The following KLHL29 variants were observed in gnomAD, a reference collection of about 807,000 sequenced individuals.
The protein encoded by KLHL29 is kelch like family member 29.
KLHL29 carries 21 observed loss-of-function variants against 80.4 expected under a neutral mutation model. That is an observed-to-expected ratio of 0.26 (90% CI 0.19 to 0.38). KLHL29 has a LOEUF of 0.38. Ranked by LOEUF, KLHL29 falls within the 10% of genes least tolerant of loss-of-function variation. The pLI is 1.00. For synonymous variants in KLHL29, 511 were observed against 526.8 expected, an observed-to-expected ratio of 0.97 and a Z score of 0.41; for missense variants, 867 against 1,223.9, an observed-to-expected ratio of 0.71 and a Z score of 4.35.
intron 1 of KLHL29, among the ~76,000 whole-genome samples, chr2:23,429,272 G>A (rs1475675888): frequency 2.6e-5 from 4 of 152,220 alleles, no homozygotes; most frequent in Admixed American, 2.6e-4. Flanking sequence ...GGGAGCCATG[G>A]TTGCTGGCGC....
At chr2:23,533,014 G>GAGC (rs1209547890) in intron 2 of KLHL29, among the ~76,000 whole-genome samples, 1 of 152,158 alleles carries the variant, frequency 6.6e-6, no homozygotes, top group African/African-American at 2.4e-5. Flanking sequence ...CCAAGCTGAG[G>GAGC]AGCAGAAGGT....
At chr2:23,532,878 G>A (rs1315155920) in intron 2 of KLHL29, among the ~76,000 whole-genome samples, 1 of 152,192 alleles carries the variant, frequency 6.6e-6, no homozygotes, top group East Asian at 1.9e-4. Flanking sequence ...ACGAACTTTT[G>A]TTGAGAAGGG....
In KLHL29 at chr2:23,647,054, G is replaced by C. The variant is rs1234982780; in HGVS notation, c.940+4204G>C. Among the ~76,000 whole-genome samples the C allele has an allele frequency of 6.6e-6, 1 of 152,244 alleles. No homozygotes were observed. The highest frequency in any genetic ancestry group is 1.5e-5 in the Non-Finnish European group (1 of 68,038). On this transcript the variant is annotated intron_variant, in intron 5 of 13. Transcript: ENST00000486442. This position sits in a 1 kb window ranked among gnomAD's most constrained non-coding sequence, Gnocchi z 4.9. ...AAGGCCAGGCCCTCCCCAGCGCAGA[G>C]GAGATGGAAGAAGCCCATGCTTGTC...
intron 5 of KLHL29, among the ~76,000 whole-genome samples, chr2:23,648,065 G>A (rs1030648229): frequency 9.9e-5 from 15 of 152,034 alleles, no homozygotes; most frequent in Non-Finnish European, 1.5e-4. Flanking sequence ...CCAGGCATAC[G>A]GGGATGGAAA....
intron 1 of KLHL29, among the ~76,000 whole-genome samples, chr2:23,401,054 A>G (rs966196477): frequency 3.9e-5 from 6 of 152,196 alleles, no homozygotes; most frequent in East Asian, 3.8e-4. Flanking sequence ...AACATGGACA[A>G]ATTTATCCGT....
chr2:23,528,425 C>T (rs906006232), intron 2 of KLHL29, among the ~76,000 whole-genome samples: 3 of 152,104 alleles, frequency 2.0e-5, no homozygotes, highest in African/African-American at 7.2e-5. Context: ...CTGCACTCTC[C>T]GTGTGGTTCA....
At chr2:23,701,613 T>C (rs1031855252) in intron 11 of KLHL29, among the ~76,000 whole-genome samples, 2 of 152,000 alleles carry the variant, frequency 1.3e-5, no homozygotes, top group Admixed American at 1.3e-4. Flanking sequence ...CTCAGGAGGC[T>C]GAGGTGGGAG....
intron 3 of KLHL29, among the ~76,000 whole-genome samples, chr2:23,588,206 G>A: frequency 6.6e-6 from 1 of 152,158 alleles, no homozygotes; most frequent in East Asian, 1.9e-4. Context: ...CTGCCACCCA[G>A]CCCGGCATGA....
chr2:23,656,776 A>G (rs1317667060), intron 5 of KLHL29, among the ~76,000 whole-genome samples: 1 of 152,058 alleles, frequency 6.6e-6, no homozygotes, highest in Non-Finnish European at 1.5e-5. Context: ...GGGCCTGCAG[A>G]GGGGAGGAAT....
chr2:23,387,360 C>G (rs1193777442), intron 1 of KLHL29, among the ~76,000 whole-genome samples: 1 of 152,174 alleles, frequency 6.6e-6, no homozygotes, highest in African/African-American at 2.4e-5. Context: ...TAGTTTCAGT[C>G]TCTTTAAAGT....
At chr2:23,413,115 T>G (rs895921171) in intron 1 of KLHL29, among the ~76,000 whole-genome samples, 1 of 152,218 alleles carries the variant, frequency 6.6e-6, no homozygotes, top group Admixed American at 6.5e-5. Context: ...TGTAATGAAC[T>G]GATGGCACTG....
chr2:23,544,465 G>C (rs75687589), intron 2 of KLHL29, among the ~76,000 whole-genome samples: 1 of 152,164 alleles, frequency 6.6e-6, no homozygotes, highest in Non-Finnish European at 1.5e-5. Context: ...GATAGCCATC[G>C]GAACAGCTGC....
chr2:23,615,468 C>G (rs755067707), intron 3 of KLHL29, among the ~76,000 whole-genome samples: 1 of 152,162 alleles, frequency 6.6e-6, no homozygotes, highest in Non-Finnish European at 1.5e-5. Context: ...ATGTGTGTCT[C>G]TGCTGCAGGG....
intron 1 of KLHL29, among the ~76,000 whole-genome samples, chr2:23,388,931 A>G (rs965470527): frequency 6.7e-6 from 1 of 149,286 alleles, no homozygotes; most frequent in African/African-American, 2.5e-5. Context: ...AGAACTAACT[A>G]AAGTTTTTCC....
At chr2:23,517,122 G>A (rs962779326) in intron 2 of KLHL29, among the ~76,000 whole-genome samples, 8 of 152,208 alleles carry the variant, frequency 5.3e-5, no homozygotes, top group African/African-American at 1.2e-4. Flanking sequence ...CCCTGTGCCC[G>A]CTGTGGACGT....
intron 1 of KLHL29, among the ~76,000 whole-genome samples, chr2:23,441,277 A>T (rs1663511664): frequency 6.9e-6 from 1 of 145,618 alleles, no homozygotes; most frequent in Non-Finnish European, 1.5e-5. Context: ...GGAATTGAAC[A>T]ATGAGAATAC....
At chr2:23,386,501 C>T (rs557561093) in intron 1 of KLHL29, among the ~76,000 whole-genome samples, 1 of 152,306 alleles carries the variant, frequency 6.6e-6, no homozygotes, top group Non-Finnish European at 1.5e-5. Flanking sequence ...GAAAGGAGAG[C>T]TCACGGGGAC....
intron 3 of KLHL29, among the ~76,000 whole-genome samples, chr2:23,594,743 T>C (rs1411881133): frequency 6.6e-6 from 1 of 152,224 alleles, no homozygotes; most frequent in Admixed American, 6.5e-5. Flanking sequence ...ACTTTTCCTT[T>C]CAAAATTCAT....
chr2:23,590,180 GC>G (rs1395676949), intron 3 of KLHL29, among the ~76,000 whole-genome samples: 1 of 152,246 alleles, frequency 6.6e-6, no homozygotes, highest in Non-Finnish European at 1.5e-5. Context: ...CCCCAAGCCC[GC>G]TCCTGCCCCT....
Sources: allele counts gnomAD v4.1 joint callset (sites outside exome capture counted in the v4.1 genomes callset), GRCh38; gene constraint gnomAD v4.1.1; non-coding constraint Gnocchi (gnomAD v3.1); transcripts MANE v1.5; gene names NCBI Gene and HGNC (gene_info 2026-07-23, HGNC 2026-07-21).